SYT14: variants seen among roughly 807,000 people sequenced by gnomAD.
The protein encoded by SYT14 is synaptotagmin-14.
Under a neutral mutation model 74.2 loss-of-function variants are expected in SYT14, and 32 were observed. The ratio of observed to expected loss-of-function variants is 0.43; its 90% CI spans 0.33 to 0.58. The LOEUF (loss-of-function observed/expected upper bound fraction) is 0.58, where lower values mean the gene tolerates loss of function less well. Among genes scored for constraint, SYT14 ranks in the 20% least tolerant of loss-of-function variants. SYT14 has a pLI of 0.05. For missense variants in SYT14, 791 were observed against 981.8 expected, an observed-to-expected ratio of 0.81 and a Z score of 2.60; for synonymous variants, 298 against 337.7, an observed-to-expected ratio of 0.88 and a Z score of 1.29.
In SYT14 at chr1:209,993,400, G is replaced by A. The variant is rs1313044122; in HGVS notation, c.-485-20233G>A. Among the ~76,000 whole-genome samples the A allele has an allele frequency of 2.0e-5, 3 of 152,320 alleles. No individual in the cohort carries two copies. In the South Asian group the frequency reaches 6.2e-4, roughly 32 times the overall value. Reference sequence around the variant, plus strand: ...TTTTCCTAGTGGCCCAGAAACACTTGTAATTCCTCAGCACAGCTGGAACCT... The same window carrying A: ...TTTTCCTAGTGGCCCAGAAACACTTATAATTCCTCAGCACAGCTGGAACCT... On this transcript the variant is annotated intron_variant, in intron 2 of 9. Transcript: ENST00000637265.
In SYT14 at chr1:209,950,235, G is replaced by A. The variant is rs149672960; in HGVS notation, c.-533-2474G>A. 6.4e-4 allele frequency among the ~76,000 whole-genome samples: 97 copies of A among 152,192 alleles called. 1 individual carries two copies. In the East Asian group the frequency reaches 0.017, roughly 27 times the overall value. On this transcript the variant is annotated intron_variant, in intron 1 of 9. Transcript: ENST00000637265. ...TACGTGTGTAACTTCTAGAGAATAA[G>A]CCTTAATATGTATGGAGAATATTTC...
chr1:209,989,115 T>C (rs1340193532), intron 2 of SYT14, among the ~76,000 whole-genome samples: 1 of 152,222 alleles, frequency 6.6e-6, no homozygotes, highest in Non-Finnish European at 1.5e-5. Context: ...CTTCAGTGTC[T>C]TGAGTGCCAT....
At chr1:210,108,101 G>T (rs1360884185) in intron 7 of SYT14, among the ~76,000 whole-genome samples, 1 of 152,072 alleles carries the variant, frequency 6.6e-6, no homozygotes, top group Non-Finnish European at 1.5e-5. Flanking sequence ...AATGATAGAG[G>T]GTACTTAATA....
At chr1:209,968,722 ATTTCT>A (rs892834623) in intron 2 of SYT14, among the ~76,000 whole-genome samples, 1 of 140,718 alleles carries the variant, frequency 7.1e-6, no homozygotes, top group Non-Finnish European at 1.5e-5. Context: ...TTAGTAGCTC[ATTTCT>A]TTTTTTTTTT....
chr1:210,021,569 G>T (rs947166150), intron 5 of SYT14, among the ~76,000 whole-genome samples: 5 of 152,160 alleles, frequency 3.3e-5, no homozygotes, highest in Admixed American at 2.0e-4. Context: ...AGATGGAATT[G>T]GTTTCTCTAT....
rs539101061 is a variant in SYT14 at position 210,113,727 on chromosome 1, G to A, written c.2034+13266G>A. 4.0e-4 allele frequency among the ~76,000 whole-genome samples: 60 copies of A among 150,540 alleles called. 1 individual carries two copies. In the South Asian group the frequency reaches 0.012, roughly 31 times the overall value. On this transcript the variant is annotated intron_variant, in intron 7 of 9. Transcript: ENST00000637265. ...AACTGGGGAAAAGGGTGGCAATGAG[G>A]TGTGGCTGTAGCCTAGGAATAGTCA...
intron 1 of SYT14, among the ~76,000 whole-genome samples, chr1:209,942,733 C>G (rs1206848579): frequency 6.6e-6 from 1 of 152,202 alleles, no homozygotes; most frequent in Non-Finnish European, 1.5e-5. Flanking sequence ...TTCCTTCCTT[C>G]ATCCGGTCCA....
intron 5 of SYT14, among the ~76,000 whole-genome samples, chr1:210,031,246 T>A (rs2080528262): frequency 2.0e-5 from 3 of 152,102 alleles, no homozygotes; most frequent in Admixed American, 1.3e-4. Context: ...ATTCATTCAT[T>A]TTCAGATGTT....
At chr1:209,943,419 C>G (rs1265331854) in intron 1 of SYT14, among the ~76,000 whole-genome samples, 1 of 140,530 alleles carries the variant, frequency 7.1e-6, no homozygotes, top group Non-Finnish European at 1.5e-5. Context: ...GCAGGAGAAT[C>G]ACCTAAACCC....
At position 210,151,506 on chromosome 1, in the gene SYT14, C is replaced by CCG. The variant is rs1166978582; in HGVS notation, c.2035-4214_2035-4213insGC. ...AGTAGCTGAAATTATAGGCGAATGC[C>CCG]CCCCCCCTTTTTTTTTTTTTTAACT... On this transcript the variant is annotated intron_variant, in intron 7 of 9. Coordinates refer to ENST00000637265, the Ensembl canonical transcript of SYT14. Among the ~76,000 whole-genome samples, 155 of 133,028 alleles carry CCG rather than the reference C, an allele frequency of 1.2e-3. 1 individual carries two copies. Among genetic ancestry groups the CCG allele is most frequent in the African/African-American group, 4.9e-3 (146 of 29,946 alleles). 87.3% of individuals were successfully genotyped at this position (133,028 alleles called of 152,430 possible). A position where few individuals can be genotyped will look rare whatever the true frequency, so the allele number is the denominator to read the frequency against.
chr1:210,164,144 T>G, exon 10 of SYT14: 1 of 430,884 alleles, frequency 2.3e-6, no homozygotes, highest in Non-Finnish European at 4.6e-6. Flanking sequence ...GCCTTATCTT[T>G]CAGAAGCTTT....
At chr1:210,029,808 G>A (rs1268098975) in intron 5 of SYT14, among the ~76,000 whole-genome samples, 3 of 152,078 alleles carry the variant, frequency 2.0e-5, no homozygotes, top group Non-Finnish European at 1.5e-5. Context: ...TTGTGGAGGT[G>A]GCATTAAATC....
intron 7 of SYT14, among the ~76,000 whole-genome samples, chr1:210,122,311 G>A (rs1032967626): frequency 3.3e-5 from 5 of 152,076 alleles, no homozygotes; most frequent in Non-Finnish European, 5.9e-5. Context: ...CCACAACAAA[G>A]GTTTATTTCT....
intron 2 of SYT14, among the ~76,000 whole-genome samples, chr1:209,959,564 T>C (rs570819813): frequency 1.3e-5 from 2 of 152,142 alleles, no homozygotes; most frequent in Non-Finnish European, 2.9e-5. Context: ...CCAGAATAAA[T>C]GAATTATTGA....
At chr1:210,132,107 G>T (rs948067722) in intron 7 of SYT14, among the ~76,000 whole-genome samples, 1 of 152,006 alleles carries the variant, frequency 6.6e-6, no homozygotes, top group African/African-American at 2.4e-5. Context: ...GGTTCTGGCA[G>T]CCCATTCTGT....
At chr1:209,950,917 C>G (rs1435498607) in intron 1 of SYT14, among the ~76,000 whole-genome samples, 1 of 152,062 alleles carries the variant, frequency 6.6e-6, no homozygotes, top group Non-Finnish European at 1.5e-5. Flanking sequence ...AAATTTTATT[C>G]AGCTTACATT....
chr1:209,976,790 A>G (rs1324026099), intron 2 of SYT14, among the ~76,000 whole-genome samples: 1 of 152,108 alleles, frequency 6.6e-6, no homozygotes, highest in African/African-American at 2.4e-5. Flanking sequence ...GATCTGTCTA[A>G]TGTTGACAGT....
chr1:210,033,662 A>C (rs2080590187), intron 5 of SYT14, among the ~76,000 whole-genome samples: 1 of 151,766 alleles, frequency 6.6e-6, no homozygotes, highest in Non-Finnish European at 1.5e-5. Context: ...ATTTAAATGG[A>C]TTTTGAGTCT....
chr1:210,016,579 A>G (rs552206096), exon 4 of SYT14: 2 of 1,231,982 alleles, frequency 1.6e-6, no homozygotes, highest in Admixed American at 4.2e-5. Flanking sequence ...TAAAGGAGGT[A>G]GGATATCAAG....
Sources: allele counts gnomAD v4.1 joint callset (sites outside exome capture counted in the v4.1 genomes callset), GRCh38; gene constraint gnomAD v4.1.1; transcripts MANE v1.5; gene names NCBI Gene and HGNC (gene_info 2026-07-23, HGNC 2026-07-21).